The following MBL2 variants were observed in gnomAD, a reference collection of about 807,000 sequenced individuals.
MBL2 encodes the protein mannose binding lectin 2.
Under a neutral mutation model 12.7 loss-of-function variants are expected in MBL2, and 6 were observed. That is an observed-to-expected ratio of 0.47 (90% CI 0.26 to 0.94). The LOEUF is 0.94. Among genes scored for constraint, MBL2 ranks in the 40% least tolerant of loss-of-function variants. The probability of loss-of-function intolerance (pLI) is 0.15; values close to 1 mark genes in which losing one functional copy is unlikely to be tolerated. For missense variants in MBL2, 307 were observed against 295.2 expected, an observed-to-expected ratio of 1.04 and a Z score of -0.29; for synonymous variants, 114 against 112.0, an observed-to-expected ratio of 1.02 and a Z score of -0.11.
intron 1 of MBL2, among the ~76,000 whole-genome samples, chr10:52,772,074 A>G (rs1457070737): frequency 6.6e-6 from 1 of 152,112 alleles, no homozygotes; most frequent in Non-Finnish European, 1.5e-5. Context: ...CCTGAATCCC[A>G]TCTTTGTATC....
At chr10:52,769,383 G>C (rs974025290) in intron 3 of MBL2, 68 bp from the exon 4 acceptor site, 1 of 815,262 alleles carries the variant, frequency 1.2e-6, no homozygotes, top group African/African-American at 1.8e-5. Context: ...ATATACAAGG[G>C]AGTGGAGTAT....
At chr10:52,772,669 C>G (rs1840412396) in intron 1 of MBL2, 68 bp downstream of exon 1, 2 of 940,878 alleles carry the variant, frequency 2.1e-6, no homozygotes, top group African/African-American at 3.6e-5. Context: ...CTCCATGCCT[C>G]CAGGGTCATG....
chr10:52,770,869 A>C, intron 2 of MBL2, 83 bp from the exon 3 acceptor site: 20 of 702,048 alleles, frequency 2.8e-5, no homozygotes, highest in Non-Finnish European at 3.7e-5. Flanking sequence ...ATCCCTTCTC[A>C]GGAGAAAGGA....
chr10:52,768,399 A>C lies in MBL2; in HGVS notation c.485T>G (p.Val162Gly). The C allele has an allele frequency of 3.1e-6, 5 of 1,613,796 alleles. No individual in the cohort carries two copies. The highest frequency in any genetic ancestry group is 1.1e-5 in the South Asian group (1 of 91,072). Reference protein sequence around the residue: ...KALCVKFQASVATPRNAAENG... With the variant: ...KALCVKFQASGATPRNAAENG... ...CTCTGCAGCATTCCTGGGGGTGGCC[A>C]CAGAGGCCTGGAACTTGACACACAA... The change falls in exon 5 of 5, where the codon GTG (valine) becomes GGG (glycine). Residue 162 changes from valine (V) to glycine (G), a missense_variant. Coordinates refer to ENST00000674931, the MANE Select transcript of MBL2 (RefSeq NM_001378373.1).
chr10:52,771,452 G>A lies in MBL2; in HGVS notation c.184C>T (p.Pro62Ser). 2 of 1,613,658 alleles carry A rather than the reference G, an allele frequency of 1.2e-6. No homozygotes were observed. Residue 62 changes from proline to serine, a missense_variant, in exon 2 of 5, where the codon CCA becomes TCA. Physicochemically the swap from Pro to Ser is moderately conservative, Grantham distance 74 (BLOSUM62 -1). Coordinates refer to ENST00000674931, the MANE Select transcript of MBL2 (RefSeq NM_001378373.1). ...RDGTKGEKGEPGQGLRGLQGP... is the reference protein window; with the variant it reads ...RDGTKGEKGESGQGLRGLQGP... ...GACAGAACAGCCCAACACGTACCTG[G>A]TTCCCCCTTTTCTCCCTTGGTGCCA...
At chr10:52,771,385 A>G (rs1447223684) in intron 2 of MBL2, 64 bp downstream of exon 2, 1 of 1,574,706 alleles carries the variant, frequency 6.4e-7, no homozygotes, top group African/African-American at 1.4e-5. Flanking sequence ...CAGTCTCCTC[A>G]TATCCCCAGG....
At chr10:52,769,091 C>T (rs1181892825) in intron 4 of MBL2, among the ~76,000 whole-genome samples, 156 bp downstream of exon 4, 1 of 151,976 alleles carries the variant, frequency 6.6e-6, no homozygotes, top group Non-Finnish European at 1.5e-5. Context: ...CTTCCCTTTG[C>T]CTCCATTTCT....
At chr10:52,771,831 G>T (rs1840397789) in intron 1 of MBL2, 187 bp from the exon 2 acceptor site, 2 of 779,902 alleles carry the variant, frequency 2.6e-6, no homozygotes, top group East Asian at 5.5e-5. Flanking sequence ...TTTAACAAAG[G>T]TAGGCACTAT....
Position 52,770,664 on chromosome 10 carries a change from C to G in MBL2, c.304+6G>C. ...AAGTCAGCTCAGACCTTGCTGGGGT[C>G]CTTACCCGGACTTTTTCCAGGGTCT... On this transcript the variant is annotated splice_donor_region_variant and intron_variant, in intron 3 of 4. Transcript: ENST00000674931. 6.9e-7 allele frequency: 1 copy of G among 1,452,364 alleles called. No individual in the cohort carries two copies. Among genetic ancestry groups the G allele is most frequent in the Non-Finnish European group, 9.2e-7 (1 of 1,092,624 alleles). 90.0% of individuals were successfully genotyped at this position (1,452,364 alleles called of 1,614,324 possible).
chr10:52,770,093 G>A (rs1317513226), intron 3 of MBL2, among the ~76,000 whole-genome samples: 1 of 152,152 alleles, frequency 6.6e-6, no homozygotes, highest in Admixed American at 6.5e-5. Flanking sequence ...TGAGAGATGT[G>A]GTTCAATTAC....
At chr10:52,768,594 A>G in intron 4 of MBL2, 84 bp from the exon 5 acceptor site, 4 of 920,684 alleles carry the variant, frequency 4.3e-6, no homozygotes, top group Non-Finnish European at 6.4e-6. Context: ...TCTAGAGTAC[A>G]GTTGCCGGAT....
At chr10:52,769,152 C>G (rs1261564634) in intron 4 of MBL2, 95 bp downstream of exon 4, 2 of 780,760 alleles carry the variant, frequency 2.6e-6, no homozygotes, top group African/African-American at 1.8e-5. Flanking sequence ...AAATGCCTAG[C>G]AGGGTACAGA....
chr10:52,769,209 A>G, intron 4 of MBL2, 38 bp downstream of exon 4: 1 of 1,447,616 alleles, frequency 6.9e-7, no homozygotes, highest in Non-Finnish European at 9.5e-7. Flanking sequence ...ATTTTTCCCA[A>G]ACTTCAAGCT....
Position 52,768,451 on chromosome 10 carries a change from T to C in MBL2, c.433A>G (p.Ile145Val). ...GNKFFLTNGE[I>V]MTFEKVKALC... ...GCCTTCACTTTTTCAAAGGTCATTA[T>C]TTCACCATTGGTCAGGAAGAACTTG... Residue 145 changes from isoleucine to valine, a missense_variant, in exon 5 of 5, where the codon ATA becomes GTA. Transcript: ENST00000674931. The C allele has an allele frequency of 6.2e-7, 1 of 1,608,562 alleles. No individual in the cohort carries two copies. The highest frequency in any genetic ancestry group is 1.1e-5 in the South Asian group (1 of 89,882).
chr10:52,771,912 T>C (rs550964327), intron 1 of MBL2, among the ~76,000 whole-genome samples: 1 of 152,280 alleles, frequency 6.6e-6, no homozygotes, highest in African/African-American at 2.4e-5. Context: ...TGGAAGACTA[T>C]AAACATGCTT....
chr10:52,767,529 T>C lies in MBL2; in HGVS notation c.*608A>G, dbSNP rs1840324976. 6.6e-6 allele frequency: 1 copy of C among 152,044 alleles called. No homozygotes were observed. Among genetic ancestry groups the C allele is most frequent in the South Asian group, 2.1e-4 (1 of 4,838 alleles). 9.4% of individuals were successfully genotyped at this position (152,044 alleles called of 1,614,324 possible). A position where few individuals can be genotyped will look rare whatever the true frequency, so the allele number is the denominator to read the frequency against. On this transcript the variant is annotated 3_prime_UTR_variant, in exon 5 of 5. Transcript: ENST00000674931. ...CTTCTAGGGAGTCAAAAATGTCCCA[T>C]ATCTTAATCTAGAAAGTGAGTATAT...
intron 4 of MBL2, among the ~76,000 whole-genome samples, chr10:52,768,885 G>A (rs1840348138): frequency 6.6e-6 from 1 of 151,956 alleles, no homozygotes; most frequent in Admixed American, 6.6e-5. Context: ...AACAAAAAAT[G>A]TCTGAAAATA....
chr10:52,769,898 C>T (rs35094880), intron 3 of MBL2, among the ~76,000 whole-genome samples: 1,792 of 143,538 alleles, frequency 0.012, 30 homozygotes, highest in African/African-American at 0.046. Flanking sequence ...TACAGCTCCT[C>T]GCATTAAGAC....
rs1840308184 is a variant in MBL2 at position 52,766,596 on chromosome 10, T to A, written c.*1541A>T. On this transcript the variant is annotated 3_prime_UTR_variant, in exon 5 of 5. Coordinates refer to ENST00000674931, the MANE Select transcript of MBL2 (RefSeq NM_001378373.1). ...TTTCAAAATCATGAAAAATATCTTA[T>A]GATTTTGGGATGGGCAAAAATTTCT... 1 of 152,136 alleles carries A rather than the reference T, an allele frequency of 6.6e-6. No individual in the cohort carries two copies. Among genetic ancestry groups the A allele is most frequent in the Non-Finnish European group, 1.5e-5 (1 of 68,016 alleles). 9.4% of individuals were successfully genotyped at this position (152,136 alleles called of 1,614,324 possible).
Sources: gnomAD v4.1 joint callset for allele counts (sites outside exome capture counted in the v4.1 genomes callset) on GRCh38, gnomAD v4.1.1 for gene constraint, MANE v1.5 for transcripts, NCBI Gene and HGNC (gene_info 2026-07-23, HGNC 2026-07-21) for gene names.